DLG2: variants seen among roughly 807,000 people sequenced by gnomAD.
DLG2 encodes disks large homolog 2.
A neutral mutation model predicts 132.5 loss-of-function variants in DLG2; 45 were observed. That is an observed-to-expected ratio of 0.34 (90% CI 0.27 to 0.44). DLG2 has a LOEUF of 0.44. DLG2 is among the 20% of genes least tolerant of loss of function. DLG2 has a pLI of 1.00. For missense variants in DLG2, 1,045 were observed against 1,196.9 expected (o/e 0.87, Z 1.87); for synonymous variants, 424 against 419.6 (o/e 1.01, Z -0.13).
chr11:85,591,922 T>A (rs563137466), intron 3 of DLG2, among the ~76,000 whole-genome samples: 1 of 152,330 alleles, frequency 6.6e-6, no homozygotes, highest in South Asian at 2.1e-4. Context: ...AACGAATTAA[T>A]GTGTAAATGG....
At chr11:84,893,933 A>G (rs1010531866) in intron 6 of DLG2, among the ~76,000 whole-genome samples, 2 of 152,144 alleles carry the variant, frequency 1.3e-5, no homozygotes, top group African/African-American at 4.8e-5. Context: ...GGTATTTATG[A>G]CCTCGCTGGA....
intron 6 of DLG2, among the ~76,000 whole-genome samples, chr11:84,883,726 A>G (rs1238021419): frequency 6.6e-6 from 1 of 152,104 alleles, no homozygotes; most frequent in Non-Finnish European, 1.5e-5. Context: ...CACTCAAAAT[A>G]CAAGTAATTT....
At chr11:84,720,486 C>T in intron 6 of DLG2, 2 of 985,216 alleles carry the variant, frequency 2.0e-6, no homozygotes, top group African/African-American at 3.5e-5. Flanking sequence ...GACCGAGCTG[C>T]CGCTTCGATC....
At chr11:84,548,528 G>T (rs944066040) in intron 6 of DLG2, among the ~76,000 whole-genome samples, 1 of 151,138 alleles carries the variant, frequency 6.6e-6, no homozygotes, top group Non-Finnish European at 1.5e-5. Context: ...AAGAACATGC[G>T]GTGTTTGGTT....
Position 83,459,787 on chromosome 11 carries a change from T to G in DLG2, c.*31A>C. ...ATATATTTTGTTCTTCTAAATGCTC[T>G]TCTGTCGTTGTCAGAGGCGCAGTAG... On this transcript the variant is annotated 3_prime_UTR_variant, in exon 28 of 28. Coordinates refer to ENST00000376104, the MANE Select transcript of DLG2 (RefSeq NM_001142699.3). The G allele has an allele frequency of 8.5e-7, 1 of 1,176,264 alleles. No homozygotes were observed. The highest frequency in any genetic ancestry group is 1.5e-5 in the African/African-American group (1 of 66,074). The allele number at this position is 1,176,264 out of a possible 1,614,324, so 72.9% of individuals were successfully genotyped here. A position where few individuals can be genotyped will look rare whatever the true frequency, so the allele number is the denominator to read the frequency against.
chr11:84,273,505 A>G (rs1277077171), intron 7 of DLG2, among the ~76,000 whole-genome samples: 4 of 152,134 alleles, frequency 2.6e-5, no homozygotes, highest in African/African-American at 9.7e-5. Context: ...GTGAAAAGCA[A>G]TCCCATCAGT....
chr11:83,486,853 T>C (rs1409737141), intron 21 of DLG2, among the ~76,000 whole-genome samples: 1 of 152,086 alleles, frequency 6.6e-6, no homozygotes, highest in Non-Finnish European at 1.5e-5. Flanking sequence ...AAGTCACATG[T>C]TTAGGATCTT....
At chr11:83,732,219 C>G (rs964225671) in intron 18 of DLG2, among the ~76,000 whole-genome samples, 2 of 152,098 alleles carry the variant, frequency 1.3e-5, no homozygotes, top group African/African-American at 4.8e-5. Context: ...AGGGAAAAAA[C>G]TCGGTTGTGG....
In DLG2 at chr11:83,461,885, G is replaced by C. The variant is rs953685220; in HGVS notation, c.2821+117C>G. 8.4e-5 allele frequency: 59 copies of C among 703,464 alleles called. No individual in the cohort carries two copies. In the African/African-American group the frequency reaches 9.3e-4, roughly 11 times the overall value. 43.6% of individuals were successfully genotyped at this position (703,464 alleles called of 1,614,324 possible). On this transcript the variant is annotated intron_variant, in intron 27 of 27. Coordinates refer to ENST00000376104, the MANE Select transcript of DLG2 (RefSeq NM_001142699.3). ...CTCCTTGTATATGAAACAGATATTAGGGATTCTCAACAGGAAGGTTTTAGG... is the reference window on the plus strand; with the variant it reads ...CTCCTTGTATATGAAACAGATATTACGGATTCTCAACAGGAAGGTTTTAGG...
At chr11:83,993,140 T>C (rs2093816921) in intron 11 of DLG2, among the ~76,000 whole-genome samples, 1 of 152,166 alleles carries the variant, frequency 6.6e-6, no homozygotes, top group African/African-American at 2.4e-5. Flanking sequence ...TTATGTGCAC[T>C]AATCTTTCCT....
intron 16 of DLG2, among the ~76,000 whole-genome samples, chr11:83,846,223 C>A (rs1258829774): frequency 2.0e-5 from 3 of 152,130 alleles, no homozygotes; most frequent in Non-Finnish European, 4.4e-5. Context: ...CGGAGATATG[C>A]AAGATGTATT....
chr11:84,445,447 G>A (rs1252111217), intron 7 of DLG2, among the ~76,000 whole-genome samples: 16 of 152,132 alleles, frequency 1.1e-4, no homozygotes, highest in Admixed American at 1.3e-4. Flanking sequence ...GAGCTTTGAA[G>A]ATATTAACCT....
chr11:83,484,433 C>A (rs2093364480), intron 21 of DLG2, among the ~76,000 whole-genome samples: 1 of 152,070 alleles, frequency 6.6e-6, no homozygotes. Context: ...GAAAAATTGT[C>A]TCCTAAGCAA....
At chr11:83,512,442 A>C (rs1188961687) in intron 21 of DLG2, among the ~76,000 whole-genome samples, 10 of 152,244 alleles carry the variant, frequency 6.6e-5, no homozygotes, top group Admixed American at 6.5e-4. Context: ...TTCTACAGAA[A>C]TCACATGTGC....
chr11:85,111,050 T>C (rs1010328208), intron 6 of DLG2, among the ~76,000 whole-genome samples: 1 of 152,094 alleles, frequency 6.6e-6, no homozygotes, highest in Admixed American at 6.6e-5. Flanking sequence ...GTAGCATGAG[T>C]ACATGAAAGG....
intron 3 of DLG2, among the ~76,000 whole-genome samples, chr11:85,333,922 G>C (rs569260011): frequency 1.3e-5 from 2 of 151,532 alleles, no homozygotes; most frequent in Non-Finnish European, 2.9e-5. Context: ...GACAGGTTTT[G>C]GTATCAGAAT....
At chr11:85,007,713 GAAGAA>G in intron 6 of DLG2, among the ~76,000 whole-genome samples, 1 of 140,690 alleles carries the variant, frequency 7.1e-6, no homozygotes, top group Middle Eastern at 3.6e-3. Flanking sequence ...AAAAGAAAAA[GAAGAA>G]AAGAAAGAGT....
At chr11:83,864,205 G>C (rs115465450) in intron 16 of DLG2, among the ~76,000 whole-genome samples, 56 of 152,270 alleles carry the variant, frequency 3.7e-4, no homozygotes, top group African/African-American at 1.3e-3. Flanking sequence ...AATTCCACCC[G>C]AACAGTGCTA....
chr11:84,083,237 G>A (rs1164508801), intron 10 of DLG2, among the ~76,000 whole-genome samples: 2 of 152,168 alleles, frequency 1.3e-5, no homozygotes, highest in African/African-American at 4.8e-5. Flanking sequence ...CTGAGATCAT[G>A]CCACTGCACT....
Sources: allele counts gnomAD v4.1 joint callset (sites outside exome capture counted in the v4.1 genomes callset), GRCh38; gene constraint gnomAD v4.1.1; transcripts MANE v1.5; gene names NCBI Gene and HGNC (gene_info 2026-07-23, HGNC 2026-07-21).